CIROZ: variants seen among roughly 807,000 people sequenced by gnomAD.
CIROZ encodes ciliated left-right organizer ZP-N domains-containing protein.
the CIROZ span, chr1:10,957,148 GCTCCTTCCAGATGCAGA>G: frequency 6.7e-7 from 1 of 1,488,274 alleles, no homozygotes; most frequent in Non-Finnish European, 9.1e-7. Context: ...CTCCAAAACT[GCTCCTTCCAGATGCAGA>G]CTCCCTCCAC....
chr1:10,979,205 G>A, the CIROZ span, among the ~76,000 whole-genome samples: 1 of 152,072 alleles, frequency 6.6e-6, no homozygotes, highest in African/African-American at 2.4e-5. Flanking sequence ...GTTGGCCATG[G>A]CTGGTCTTGA....
the CIROZ span, among the ~76,000 whole-genome samples, chr1:10,963,071 C>A: frequency 1.3e-5 from 2 of 150,038 alleles, no homozygotes; most frequent in South Asian, 2.1e-4. Context: ...AGTGAGCCTG[C>A]GTGACGGAGC....
the CIROZ span, chr1:10,964,134 G>T: frequency 6.2e-7 from 1 of 1,613,652 alleles, no homozygotes; most frequent in South Asian, 1.1e-5. Flanking sequence ...TTACCTGGAT[G>T]AACATGGGCC....
the CIROZ span, chr1:10,949,563 C>T: frequency 4.8e-5 from 74 of 1,547,948 alleles, no homozygotes; most frequent in South Asian, 8.0e-4. Context: ...TCTACCGATA[C>T]TTCTTGGGGA....
At chr1:10,965,187 C>T in the CIROZ span, among the ~76,000 whole-genome samples, 14 of 150,834 alleles carry the variant, frequency 9.3e-5, no homozygotes, top group Admixed American at 2.0e-4. Flanking sequence ...AGAAGGGTGA[C>T]GGGGCTGTCA....
the CIROZ span, among the ~76,000 whole-genome samples, chr1:10,961,511 C>G: frequency 6.6e-6 from 1 of 152,168 alleles, no homozygotes. Context: ...AGGGGCCCTT[C>G]CCACCACAGC....
the CIROZ span, among the ~76,000 whole-genome samples, chr1:10,971,606 C>T: frequency 6.6e-6 from 1 of 152,192 alleles, no homozygotes; most frequent in African/African-American, 2.4e-5. Flanking sequence ...TCACTGACCA[C>T]CCCCACCCAT....
chr1:10,971,397 T>C, the CIROZ span, among the ~76,000 whole-genome samples: 8 of 152,012 alleles, frequency 5.3e-5, no homozygotes, highest in South Asian at 1.5e-3. Context: ...GAACCTTCAA[T>C]GGCTCCCCAC....
chr1:10,965,661 A>T, the CIROZ span, among the ~76,000 whole-genome samples: 1 of 152,132 alleles, frequency 6.6e-6, no homozygotes, highest in East Asian at 1.9e-4. Flanking sequence ...GAAGCTCAAG[A>T]CCAGCCTGGC....
the CIROZ span, among the ~76,000 whole-genome samples, chr1:10,953,185 G>T: frequency 6.6e-6 from 1 of 152,104 alleles, no homozygotes. Flanking sequence ...TTACACTTTT[G>T]TGCAACACCG....
chr1:10,976,884 G>A, the CIROZ span, among the ~76,000 whole-genome samples: 1 of 152,124 alleles, frequency 6.6e-6, no homozygotes, highest in Non-Finnish European at 1.5e-5. Context: ...GGCCGGGTGC[G>A]AGGGCTCACA....
the CIROZ span, among the ~76,000 whole-genome samples, chr1:10,956,363 C>A: frequency 9.2e-5 from 14 of 152,156 alleles, no homozygotes; most frequent in Non-Finnish European, 7.3e-5. Flanking sequence ...CCTGGAGGGT[C>A]TGACCAGGCT....
the CIROZ span, chr1:10,948,623 G>A: frequency 1.2e-6 from 2 of 1,613,954 alleles, no homozygotes; most frequent in Non-Finnish European, 1.7e-6. Context: ...TCAGAGCCGG[G>A]TGCGTTGGCA....
chr1:10,956,147 C>A, the CIROZ span, among the ~76,000 whole-genome samples: 1 of 152,216 alleles, frequency 6.6e-6, no homozygotes, highest in African/African-American at 2.4e-5. Context: ...AATCTACCCA[C>A]ACAGGATGAA....
chr1:10,956,804 A>G, the CIROZ span, among the ~76,000 whole-genome samples: 1 of 151,944 alleles, frequency 6.6e-6, no homozygotes, highest in Non-Finnish European at 1.5e-5. Flanking sequence ...TTCACCCCAC[A>G]TCCCACCCCT....
At chr1:10,980,852 C>T in the CIROZ span, among the ~76,000 whole-genome samples, 1 of 152,238 alleles carries the variant, frequency 6.6e-6, no homozygotes, top group East Asian at 1.9e-4. Context: ...AAGCTGAGCC[C>T]CCTCATGGGG....
chr1:10,952,101 T>G, the CIROZ span, among the ~76,000 whole-genome samples: 7 of 152,060 alleles, frequency 4.6e-5, no homozygotes, highest in Non-Finnish European at 7.4e-5. Context: ...CTGTCAAGAA[T>G]AAGAAGCCGA....
chr1:10,976,878 G>A, the CIROZ span, among the ~76,000 whole-genome samples: 55,101 of 151,976 alleles, frequency 0.36, 12,930 homozygotes, highest in African/African-American at 0.67. Flanking sequence ...ATTTTAGGCC[G>A]GGTGCGAGGG....
At chr1:10,953,055 T>C in the CIROZ span, among the ~76,000 whole-genome samples, 1 of 152,252 alleles carries the variant, frequency 6.6e-6, no homozygotes, top group Non-Finnish European at 1.5e-5. Context: ...ATTTCCATTT[T>C]TAGCAGACTG....
Sources: allele counts gnomAD v4.1 joint callset (sites outside exome capture counted in the v4.1 genomes callset), GRCh38; gene constraint gnomAD v4.1.1; transcripts MANE v1.5; gene names NCBI Gene and HGNC (gene_info 2026-07-23, HGNC 2026-07-21).